The following STIM1 variants were observed in gnomAD, a reference collection of about 807,000 sequenced individuals.
STIM1 encodes the protein stromal interaction molecule 1.
A neutral mutation model predicts 74.7 loss-of-function variants in STIM1; 25 were observed. That is an observed-to-expected ratio of 0.33 (90% CI 0.24 to 0.47). The LOEUF is 0.47. Among genes scored for constraint, STIM1 ranks in the 20% least tolerant of loss-of-function variants. The pLI is 1.00. For missense variants in STIM1, 728 were observed against 920.8 expected, an observed-to-expected ratio of 0.79 and a Z score of 2.71; for synonymous variants, 328 against 348.8, an observed-to-expected ratio of 0.94 and a Z score of 0.66.
chr11:4,021,942 G>A (rs2093959066), intron 2 of STIM1, among the ~76,000 whole-genome samples: 1 of 151,972 alleles, frequency 6.6e-6, no homozygotes, highest in African/African-American at 2.4e-5. Flanking sequence ...ATTTTTTGTA[G>A]CTATTGTAAA....
chr11:3,939,849 T>C (rs1165858486), intron 1 of STIM1, among the ~76,000 whole-genome samples: 1 of 152,242 alleles, frequency 6.6e-6, no homozygotes, highest in African/African-American at 2.4e-5. Flanking sequence ...CCTTTTGGGT[T>C]GGCTGTTTTT....
At chr11:3,974,912 C>G (rs554826274) in intron 2 of STIM1, among the ~76,000 whole-genome samples, 1 of 152,262 alleles carries the variant, frequency 6.6e-6, no homozygotes, top group South Asian at 2.1e-4. Flanking sequence ...CCATTGTCCC[C>G]TTGACTGGAC....
intron 3 of STIM1, among the ~76,000 whole-genome samples, chr11:4,053,475 G>A (rs562076573): frequency 5.3e-5 from 8 of 151,468 alleles, no homozygotes; most frequent in South Asian, 2.1e-4. Flanking sequence ...GCAAAATATC[G>A]CAAGAACAAA....
At chr11:3,887,795 T>C (rs1285550394) in intron 1 of STIM1, among the ~76,000 whole-genome samples, 2 of 151,850 alleles carry the variant, frequency 1.3e-5, no homozygotes, top group African/African-American at 2.4e-5. Context: ...GGTGAAACCC[T>C]GCCTCTACTA....
intron 1 of STIM1, among the ~76,000 whole-genome samples, chr11:3,895,683 C>CTTCCTTCCTTCTTTCTTTCTTTCT (rs2092083651): frequency 5.3e-5 from 2 of 37,966 alleles, no homozygotes; most frequent in Non-Finnish European, 9.7e-5. Flanking sequence ...TCCTTCCTTC[C>CTTCCTTCCTTCTTTCTTTCTTTCT]TTCTTTCTTT....
intron 1 of STIM1, among the ~76,000 whole-genome samples, chr11:3,950,921 C>T (rs1334211468): frequency 6.6e-6 from 1 of 152,176 alleles, no homozygotes; most frequent in Non-Finnish European, 1.5e-5. Context: ...AGCCACTGTG[C>T]CTGGCCCAGA....
At chr11:3,861,380 T>C (rs964744462) in intron 1 of STIM1, among the ~76,000 whole-genome samples, 4 of 151,998 alleles carry the variant, frequency 2.6e-5, no homozygotes, top group Non-Finnish European at 4.4e-5. Context: ...ACTACAGGCA[T>C]CCGCCACCAC....
chr11:3,967,474 T>TA, intron 1 of STIM1, 78 bp from the exon 2 acceptor site: 1 of 1,610,100 alleles, frequency 6.2e-7, no homozygotes, highest in Non-Finnish European at 8.5e-7. Context: ...TGCTAGAAGC[T>TA]AAGGATGCTG....
chr11:3,978,536 G>C (rs2093471819), intron 2 of STIM1, among the ~76,000 whole-genome samples: 1 of 150,872 alleles, frequency 6.6e-6, no homozygotes, highest in Non-Finnish European at 1.5e-5. Flanking sequence ...CGAGGCGGGT[G>C]GATCACCTGA....
intron 1 of STIM1, among the ~76,000 whole-genome samples, chr11:3,916,841 G>T (rs553540299): frequency 6.6e-6 from 1 of 152,270 alleles, no homozygotes; most frequent in African/African-American, 2.4e-5. Context: ...GTCCACCTTG[G>T]CCTCCCAAAG....
chr11:3,861,485 C>T (rs143407169), intron 1 of STIM1, among the ~76,000 whole-genome samples: 2,223 of 152,208 alleles, frequency 0.015, 60 homozygotes, highest in African/African-American at 0.05. Flanking sequence ...CTGCCTGCCT[C>T]GGCCTCCCAA....
chr11:3,982,356 C>A (rs913482436), intron 2 of STIM1, among the ~76,000 whole-genome samples: 7 of 152,196 alleles, frequency 4.6e-5, no homozygotes, highest in African/African-American at 1.7e-4. Flanking sequence ...ACTCTGTGAA[C>A]TTTCATTTCC....
rs2094531101 is a variant in STIM1, at chr11:4,092,693, A to G, written c.*895A>G. On this transcript the variant is annotated 3_prime_UTR_variant, in exon 13 of 13. Transcript: ENST00000526596. ...GCCAGGAGAGCCACAGCCATGATACAGGGCTCTTATGGAGCCCTGGAGTTG... is the reference window on the plus strand; with the variant it reads ...GCCAGGAGAGCCACAGCCATGATACGGGGCTCTTATGGAGCCCTGGAGTTG... 6.6e-6 allele frequency: 1 copy of G among 152,194 alleles called. No individual in the cohort carries two copies. The highest frequency in any genetic ancestry group is 1.5e-5 in the Non-Finnish European group (1 of 68,038). 9.4% of individuals were successfully genotyped at this position (152,194 alleles called of 1,614,324 possible).
intron 1 of STIM1, among the ~76,000 whole-genome samples, chr11:3,942,203 GTTAGTA>G (rs1247103784): frequency 6.6e-6 from 1 of 152,162 alleles, no homozygotes; most frequent in Non-Finnish European, 1.5e-5. Context: ...GTGTGATCGA[GTTAGTA>G]GCCAAACCAG....
chr11:3,904,939 T>C (rs1590550363), intron 1 of STIM1, among the ~76,000 whole-genome samples: 1 of 151,930 alleles, frequency 6.6e-6, no homozygotes, highest in East Asian at 1.9e-4. Flanking sequence ...ACTGTAGAAG[T>C]AGATGAGATC....
At chr11:3,862,420 G>C (rs1005063690) in intron 1 of STIM1, among the ~76,000 whole-genome samples, 16 of 152,120 alleles carry the variant, frequency 1.1e-4, no homozygotes, top group Non-Finnish European at 1.9e-4. Context: ...CCTCTGAGAA[G>C]CCTTGTAGAA....
chr11:4,015,819 T>C (rs1338525852), intron 2 of STIM1, among the ~76,000 whole-genome samples: 1 of 152,242 alleles, frequency 6.6e-6, no homozygotes, highest in African/African-American at 2.4e-5. Context: ...TATCTTTTTT[T>C]CCGCTTGATC....
At chr11:3,989,236 G>A (rs1024588952) in intron 2 of STIM1, 6 of 871,542 alleles carry the variant, frequency 6.9e-6, no homozygotes, top group Non-Finnish European at 1.2e-5. Context: ...GTTTACTGCA[G>A]GTAAATGTTC....
intron 3 of STIM1, among the ~76,000 whole-genome samples, chr11:4,040,266 G>T (rs2094138180): frequency 6.6e-6 from 1 of 152,096 alleles, no homozygotes; most frequent in Admixed American, 6.5e-5. Flanking sequence ...AGCATACAAG[G>T]TCCATGCTTA....
Sources: gnomAD v4.1 joint callset for allele counts (sites outside exome capture counted in the v4.1 genomes callset) on GRCh38, gnomAD v4.1.1 for gene constraint, MANE v1.5 for transcripts, NCBI Gene and HGNC (gene_info 2026-07-23, HGNC 2026-07-21) for gene names.